Variants in ROR2 observed in about 807,000 individuals in gnomAD.
ROR2 encodes the protein tyrosine-protein kinase transmembrane receptor ROR2.
In ROR2, 33 loss-of-function variants were observed where a neutral mutation model predicts 74.9. The observed-to-expected ratio is 0.44, with a 90% confidence interval of 0.33 to 0.59. ROR2 has a LOEUF of 0.59. Ranked by LOEUF, ROR2 falls within the 20% of genes least tolerant of loss-of-function variation. ROR2 has a pLI of 0.02. For missense variants in ROR2, 1,216 were observed against 1,313.8 expected (o/e 0.93, Z 1.15); for synonymous variants, 586 against 558.7 (o/e 1.05, Z -0.69).
chr9:91,829,634 T>C (rs1828400518), intron 1 of ROR2, among the ~76,000 whole-genome samples: 1 of 149,748 alleles, frequency 6.7e-6, no homozygotes, highest in Non-Finnish European at 1.5e-5. Context: ...CCAGGTTACC[T>C]GAAACCAAGG....
chr9:91,846,030 A>T (rs953503607), intron 1 of ROR2, among the ~76,000 whole-genome samples: 2 of 152,090 alleles, frequency 1.3e-5, no homozygotes. Context: ...AGAGGTGACT[A>T]ACACTCACAC....
intron 1 of ROR2, among the ~76,000 whole-genome samples, chr9:91,943,861 CA>C (rs1262037878): frequency 1.3e-5 from 2 of 151,786 alleles, no homozygotes; most frequent in African/African-American, 2.4e-5. Flanking sequence ...AAAAATATAC[CA>C]AAAAATGAGA....
chr9:91,944,221 A>C (rs941487335), intron 1 of ROR2, among the ~76,000 whole-genome samples: 4 of 152,220 alleles, frequency 2.6e-5, no homozygotes, highest in Non-Finnish European at 5.9e-5. Context: ...AGGCAACTGT[A>C]ACAGGATGGG....
intron 1 of ROR2, among the ~76,000 whole-genome samples, chr9:91,946,900 G>C (rs1465288754): frequency 6.6e-6 from 1 of 152,128 alleles, no homozygotes; most frequent in African/African-American, 2.4e-5. Context: ...CTATTCCACT[G>C]ATTTCAGAAG....
chr9:91,759,967 G>T (rs1825863205), intron 2 of ROR2, among the ~76,000 whole-genome samples: 1 of 152,180 alleles, frequency 6.6e-6, no homozygotes, highest in South Asian at 2.1e-4. Flanking sequence ...CCTTCAGAAA[G>T]AAATCAGAAA....
At chr9:91,885,677 G>C (rs906823522) in intron 1 of ROR2, among the ~76,000 whole-genome samples, 1 of 152,110 alleles carries the variant, frequency 6.6e-6, no homozygotes, top group South Asian at 2.1e-4. Context: ...CCTGCCCCAA[G>C]GTTCTGATTT....
At chr9:91,735,724 C>A (rs558573903) in intron 5 of ROR2, among the ~76,000 whole-genome samples, 1 of 146,442 alleles carries the variant, frequency 6.8e-6, no homozygotes, top group African/African-American at 2.5e-5. Flanking sequence ...TTAAGTGATT[C>A]TTCTGCCTCA....
chr9:91,727,471 C>G (rs1837082517), intron 7 of ROR2, among the ~76,000 whole-genome samples: 1 of 151,552 alleles, frequency 6.6e-6, no homozygotes, highest in South Asian at 2.1e-4. Flanking sequence ...CAGAAAGGTA[C>G]AGGGGGCACA....
chr9:91,808,622 CA>C (rs147232458), intron 1 of ROR2, among the ~76,000 whole-genome samples: 5 of 147,710 alleles, frequency 3.4e-5, no homozygotes, highest in Non-Finnish European at 7.5e-5. Context: ...GACTCCATCT[CA>C]AAAAAAAATC....
intron 1 of ROR2, among the ~76,000 whole-genome samples, chr9:91,818,541 C>G (rs1473239626): frequency 1.3e-5 from 2 of 149,748 alleles, no homozygotes; most frequent in Non-Finnish European, 3.0e-5. Context: ...CCTCAGGTGA[C>G]ATGGCAATGT....
chr9:91,822,422 G>A (rs1467262766), intron 1 of ROR2, among the ~76,000 whole-genome samples: 1 of 152,136 alleles, frequency 6.6e-6, no homozygotes, highest in Non-Finnish European at 1.5e-5. Flanking sequence ...AAGAACAAAG[G>A]CACCTGCTTC....
intron 4 of ROR2, 105 bp downstream of exon 4, chr9:91,755,966 G>A: frequency 2.4e-6 from 3 of 1,268,088 alleles, no homozygotes; most frequent in Non-Finnish European, 3.5e-6. Context: ...CCAACTTCTA[G>A]CAAATTCGGC....
rs189740972 is a variant in ROR2 at position 91,790,626 on chromosome 9, C to A, written c.98-14808G>T. Among the ~76,000 whole-genome samples, 316 of 152,226 alleles carry A rather than the reference C, an allele frequency of 2.1e-3. 1 individual carries two copies. Among genetic ancestry groups the A allele is most frequent in the African/African-American group, 7.1e-3 (295 of 41,522 alleles). On this transcript the variant is annotated intron_variant, in intron 1 of 8. Coordinates refer to ENST00000375708, the MANE Select transcript of ROR2 (RefSeq NM_004560.4). ...GTACTTACTATACTATACTTTCTATCATCATTTTACAGTGTACTCCTACTT... is the reference window on the plus strand; with the variant it reads ...GTACTTACTATACTATACTTTCTATAATCATTTTACAGTGTACTCCTACTT...
intron 1 of ROR2, among the ~76,000 whole-genome samples, chr9:91,853,765 G>A (rs959608010): frequency 1.3e-5 from 2 of 152,178 alleles, no homozygotes; most frequent in African/African-American, 2.4e-5. Context: ...GAGCCGAGTT[G>A]GTCAAATTTT....
At chr9:91,769,494 T>C (rs1429189496) in intron 2 of ROR2, among the ~76,000 whole-genome samples, 1 of 152,150 alleles carries the variant, frequency 6.6e-6, no homozygotes, top group Non-Finnish European at 1.5e-5. Flanking sequence ...CCCCCACTCC[T>C]GCCCTTGGCT....
At chr9:91,840,629 T>C (rs572112270) in intron 1 of ROR2, among the ~76,000 whole-genome samples, 1 of 152,290 alleles carries the variant, frequency 6.6e-6, no homozygotes, top group South Asian at 2.1e-4. Flanking sequence ...CCGCCCATAC[T>C]TTCTCAGTCA....
chr9:91,789,499 C>T (rs914531058), intron 1 of ROR2, among the ~76,000 whole-genome samples: 1 of 152,150 alleles, frequency 6.6e-6, no homozygotes, highest in Non-Finnish European at 1.5e-5. Context: ...ATTGTAAGAC[C>T]GTGCTGATGG....
At chr9:91,734,341 T>C (rs1824948809) in intron 5 of ROR2, among the ~76,000 whole-genome samples, 1 of 152,196 alleles carries the variant, frequency 6.6e-6, no homozygotes, top group Non-Finnish European at 1.5e-5. Flanking sequence ...CAGGCCCCTT[T>C]GCCTGCACAC....
chr9:91,873,390 T>A (rs1442587614), intron 1 of ROR2, among the ~76,000 whole-genome samples: 1 of 137,630 alleles, frequency 7.3e-6, no homozygotes, highest in Non-Finnish European at 1.5e-5. Context: ...GAGTTCGACA[T>A]CAGCCTGGCC....
Sources: allele counts gnomAD v4.1 joint callset (sites outside exome capture counted in the v4.1 genomes callset), GRCh38; gene constraint gnomAD v4.1.1; transcripts MANE v1.5; gene names NCBI Gene and HGNC (gene_info 2026-07-23, HGNC 2026-07-21).